The following MN1 variants were observed in gnomAD, a reference collection of about 807,000 sequenced individuals.
MN1 encodes the protein MN1 proto-oncogene, transcriptional regulator.
In MN1, 19 loss-of-function variants were observed where a neutral mutation model predicts 86.9. The ratio of observed to expected loss-of-function variants is 0.22; its 90% CI spans 0.15 to 0.32. The LOEUF (loss-of-function observed/expected upper bound fraction) is 0.32, where lower values mean the gene tolerates loss of function less well. MN1 is among the 10% of genes least tolerant of loss of function. MN1 has a pLI of 1.00. For missense variants in MN1, 1,841 were observed against 1,862.0 expected, an observed-to-expected ratio of 0.99 and a Z score of 0.21; for synonymous variants, 928 against 849.6, an observed-to-expected ratio of 1.09 and a Z score of -1.60.
chr22:27,773,542 A>G (rs1357102392), intron 1 of MN1, among the ~76,000 whole-genome samples: 1 of 152,178 alleles, frequency 6.6e-6, no homozygotes, highest in African/African-American at 2.4e-5. Context: ...CCCTATGCCC[A>G]TTTCATAGCC....
At chr22:27,764,643 G>A (rs1932856407) in intron 1 of MN1, among the ~76,000 whole-genome samples, 1 of 152,204 alleles carries the variant, frequency 6.6e-6, no homozygotes, top group African/African-American at 2.4e-5. Context: ...CTGAGGGCAA[G>A]TCACTTAATC....
intron 1 of MN1, among the ~76,000 whole-genome samples, chr22:27,777,582 A>C (rs5752634): frequency 6.6e-6 from 1 of 150,638 alleles, no homozygotes; most frequent in East Asian, 2.0e-4. Flanking sequence ...AGTCCAGCCC[A>C]GCACTGTGGC....
chr22:27,798,820 A>C lies in MN1; in HGVS notation c.1724T>G (p.Leu575Arg). 1 of 1,537,722 alleles carries C rather than the reference A, an allele frequency of 6.5e-7. No homozygotes were observed. The highest frequency in any genetic ancestry group is 8.7e-7 in the Non-Finnish European group (1 of 1,146,436). ...NQQQRLRQPN[L>R]AQLGHPGDVG... ...GTCCCCGGGGTGGCCTAGCTGAGCC[A>C]GGTTGGGCTGGCGCAGCCGCTGCTG... is the stretch of plus-strand genomic sequence containing the variant. The change falls in exon 1 of 2, where the codon CTG becomes CGG. Residue 575 changes from leucine to arginine, a missense_variant. Transcript: ENST00000302326.
rs1932727063 is a variant in MN1, at chr22:27,748,849, G to T, written c.*2066C>A. On this transcript the variant is annotated 3_prime_UTR_variant, in exon 2 of 2. Transcript: ENST00000302326. ...AAGACACTTTGCTCCCCGGCCTTAA[G>T]CAATTAAGGAGAAATCATTCCTGTT... is the stretch of plus-strand genomic sequence containing the variant. 1 of 225,254 alleles carries T rather than the reference G, an allele frequency of 4.4e-6. No homozygotes were observed. The highest frequency in any genetic ancestry group is 8.8e-6 in the Non-Finnish European group (1 of 113,076). The allele number at this position is 225,254 out of a possible 1,614,324, so 14.0% of individuals were successfully genotyped here.
rs980276570 is a variant in MN1 at position 27,801,126 on chromosome 22, C to T, written c.-583G>A. On this transcript the variant is annotated 5_prime_UTR_variant, in exon 1 of 2. Coordinates refer to ENST00000302326, the MANE Select transcript of MN1 (RefSeq NM_002430.3). ...CGCGCCCCGCAGCCCGAGCCTCCAC[C>T]GAGCACGATCCGCTCGCACAATCCC... is the stretch of plus-strand genomic sequence containing the variant. 2.6e-5 allele frequency: 6 copies of T among 229,264 alleles called. No individual in the cohort carries two copies. The highest frequency in any genetic ancestry group is 4.3e-5 in the Non-Finnish European group (5 of 115,338). The allele number at this position is 229,264 out of a possible 1,614,324, so 14.2% of individuals were successfully genotyped here.
At chr22:27,754,643 C>T (rs548024318) in intron 1 of MN1, among the ~76,000 whole-genome samples, 60 of 152,320 alleles carry the variant, frequency 3.9e-4, no homozygotes, top group Admixed American at 2.9e-3. Flanking sequence ...GCCCTCAGAC[C>T]GCGGCTCCCC....
At chr22:27,773,458 C>T (rs532645093) in intron 1 of MN1, among the ~76,000 whole-genome samples, 3 of 152,212 alleles carry the variant, frequency 2.0e-5, no homozygotes, top group East Asian at 1.9e-4. Flanking sequence ...CAGCTGGGCC[C>T]GAGTCATGGG....
Position 27,796,561 on chromosome 22 carries a change from G to A in MN1, c.3781+202C>T, listed in dbSNP as rs545541888. On this transcript the variant is annotated intron_variant, in intron 1 of 1. Transcript: ENST00000302326. Reference sequence around the variant, plus strand: ...TAGAATCTACCTGGTAACATGTGGGGGGCTTGGGGGCAGTGTGTGTGGGGG... The same window carrying A: ...TAGAATCTACCTGGTAACATGTGGGAGGCTTGGGGGCAGTGTGTGTGGGGG... 4.0e-5 allele frequency among the ~76,000 whole-genome samples: 6 copies of A among 151,122 alleles called. No homozygotes were observed. The South Asian group carries it at 1.1e-3, about 27-fold the overall frequency.
rs1933318391 is a variant in MN1 at position 27,797,369 on chromosome 22, C to A, written c.3175G>T (p.Val1059Leu). The A allele has an allele frequency of 5.6e-6, 9 of 1,610,622 alleles. No individual in the cohort carries two copies. The East Asian group carries it at 1.8e-4, about 32-fold the overall frequency. Residue 1059 changes from valine to leucine, a missense_variant, in exon 1 of 2, where the codon GTG becomes TTG. By Grantham distance (32) the Val-to-Leu change is conservative. Transcript: ENST00000302326. ...VSTSYANEDEVSSSSDNPQAL... is the reference protein window; with the variant it reads ...VSTSYANEDELSSSSDNPQAL... Reference sequence around the variant, plus strand: ...TGGGGGTTGTCAGAGCTGGACGACACCTCGTCCTCATTGGCGTAGCTCGTG... The same window carrying A: ...TGGGGGTTGTCAGAGCTGGACGACAACTCGTCCTCATTGGCGTAGCTCGTG...
chr22:27,757,621 A>G (rs1157392695), intron 1 of MN1, among the ~76,000 whole-genome samples: 2 of 152,096 alleles, frequency 1.3e-5, no homozygotes, highest in Admixed American at 6.5e-5. Flanking sequence ...TTTTTCCTTT[A>G]TTTGGACCTG....
At chr22:27,785,413 C>T (rs1291054941) in intron 1 of MN1, among the ~76,000 whole-genome samples, 5 of 152,234 alleles carry the variant, frequency 3.3e-5, no homozygotes, top group Non-Finnish European at 7.3e-5. Context: ...TCCTCCCCCA[C>T]ATCTTACGCC....
At chr22:27,771,137 T>C (rs1409637902) in intron 1 of MN1, among the ~76,000 whole-genome samples, 1 of 151,368 alleles carries the variant, frequency 6.6e-6, no homozygotes, top group African/African-American at 2.4e-5. Flanking sequence ...TGGCCCACCA[T>C]CTGACTTTTG....
At chr22:27,793,269 T>C (rs1030997439) in intron 1 of MN1, among the ~76,000 whole-genome samples, 1 of 152,140 alleles carries the variant, frequency 6.6e-6, no homozygotes, top group Non-Finnish European at 1.5e-5. Context: ...TTAATATGCA[T>C]TATCTATAAT....
intron 1 of MN1, 35 bp from the exon 2 acceptor site, chr22:27,751,131 C>T (rs376195601): frequency 9.3e-6 from 14 of 1,512,692 alleles, no homozygotes; most frequent in African/African-American, 4.2e-5. Context: ...ACATTAGTGG[C>T]ACACTCGTCT....
chr22:27,750,205 T>C lies in MN1; in HGVS notation c.*710A>G, dbSNP rs528276867. 1 of 231,098 alleles carries C rather than the reference T, an allele frequency of 4.3e-6. No individual in the cohort carries two copies. Among genetic ancestry groups the C allele is most frequent in the South Asian group, 1.8e-4 (1 of 5,498 alleles). The allele number at this position is 231,098 out of a possible 1,614,324, so 14.3% of individuals were successfully genotyped here. A position where few individuals can be genotyped will look rare whatever the true frequency, so the allele number is the denominator to read the frequency against. On this transcript the variant is annotated 3_prime_UTR_variant, in exon 2 of 2. Transcript: ENST00000302326. ...CCAGCAGGAGAAGAGAGAACTCAAGTGGAAGGGAACTGAAGGCTGAGCACT... is the reference window on the plus strand; with the variant it reads ...CCAGCAGGAGAAGAGAGAACTCAAGCGGAAGGGAACTGAAGGCTGAGCACT...
Position 27,798,972 on chromosome 22 carries a change from C to A in MN1, c.1572G>T (p.Gln524His). ...HPAPDHQSLQQQQQQQQQQQQ... is the reference protein window; with the variant it reads ...HPAPDHQSLQHQQQQQQQQQQ... ...GCTGCTGCTGCTGCTGCTGCTGCTG[C>A]TGTTGCAGGGACTGGTGGTCCGGGG... The change falls in exon 1 of 2, where the codon CAG becomes CAT. Residue 524 changes from glutamine to histidine, a missense_variant. Gln to His is a conservative substitution (Grantham distance 24). Coordinates refer to ENST00000302326, the MANE Select transcript of MN1 (RefSeq NM_002430.3). 6.2e-7 allele frequency: 1 copy of A among 1,600,958 alleles called. No homozygotes were observed. Among genetic ancestry groups the A allele is most frequent in the East Asian group, 2.3e-5 (1 of 44,312 alleles).
intron 1 of MN1, among the ~76,000 whole-genome samples, chr22:27,769,552 A>ATTTTTTTTTTTTTTTTTTTTTTTTTTTTT (rs58248602): frequency 1.2e-5 from 1 of 83,268 alleles, no homozygotes; most frequent in Non-Finnish European, 2.1e-5. Context: ...AAGGATGCCA[A>ATTTTTTTTTTTTTTTTTTTTTTTTTTTTT]TTTTTTTTTT....
At chr22:27,754,492 A>G (rs1932789703) in intron 1 of MN1, among the ~76,000 whole-genome samples, 1 of 152,226 alleles carries the variant, frequency 6.6e-6, no homozygotes, top group Non-Finnish European at 1.5e-5. Context: ...GCCTCCGCCT[A>G]GAATGAGAAA....
At chr22:27,751,117 G>A (rs1197569829) in intron 1 of MN1, 21 bp from the exon 2 acceptor site, 1 of 1,530,890 alleles carries the variant, frequency 6.5e-7, no homozygotes, top group Non-Finnish European at 8.8e-7. Flanking sequence ...AGAAGGAAGA[G>A]AGGACATTAG....
Sources: allele counts gnomAD v4.1 joint callset (sites outside exome capture counted in the v4.1 genomes callset), GRCh38; gene constraint gnomAD v4.1.1; transcripts MANE v1.5; gene names NCBI Gene and HGNC (gene_info 2026-07-23, HGNC 2026-07-21).